Variants in PEX5L observed in about 807,000 individuals in gnomAD.
PEX5L encodes the protein peroxisomal biogenesis factor 5 like, also known as PEX5-related protein.
Under a neutral mutation model 84.0 loss-of-function variants are expected in PEX5L, and 30 were observed. That is an observed-to-expected ratio of 0.36 (90% CI 0.27 to 0.48). The LOEUF (loss-of-function observed/expected upper bound fraction) is 0.48. Among genes scored for constraint, PEX5L ranks in the 20% least tolerant of loss-of-function variants. The pLI, the probability that PEX5L is intolerant of heterozygous loss-of-function variation, is 0.99. For missense variants in PEX5L, 533 were observed against 754.6 expected (o/e 0.71, Z 3.44); for synonymous variants, 270 against 283.1 (o/e 0.95, Z 0.46).
chr3:180,034,898 C>T (rs1326428055), intron 1 of PEX5L, among the ~76,000 whole-genome samples: 2 of 152,142 alleles, frequency 1.3e-5, no homozygotes, highest in African/African-American at 4.8e-5. Context: ...AACCCTCAGA[C>T]ATTGTTCCAG....
At chr3:179,848,377 T>C (rs906632236) in intron 8 of PEX5L, among the ~76,000 whole-genome samples, 1 of 151,644 alleles carries the variant, frequency 6.6e-6, no homozygotes, top group African/African-American at 2.4e-5. Context: ...ATGGCAACAT[T>C]CCGTCTCTAC....
At chr3:179,852,291 A>G (rs550558329) in intron 8 of PEX5L, among the ~76,000 whole-genome samples, 2 of 152,290 alleles carry the variant, frequency 1.3e-5, no homozygotes, top group Admixed American at 1.3e-4. Flanking sequence ...GGCTGCCAAC[A>G]GTCTGCATGA....
Position 179,898,184 on chromosome 3 carries a change from C to T in PEX5L, c.156G>A (p.Glu52=). The change falls in exon 3 of 15, where the codon GAG becomes GAA. Residue 52 remains glutamate, a synonymous_variant. Transcript: ENST00000467460. The part of the protein sequence containing the change: ...VAMVMKEIPR[E]ESAEEKPLLT... ...GGAGGGGCTTTTCTTCAGCAGACTC[C>T]TCCCTCGGTATCTCCTTCATCACCA... is the stretch of plus-strand genomic sequence containing the variant. 1 of 1,613,542 alleles carries T rather than the reference C, an allele frequency of 6.2e-7. No homozygotes were observed. The highest frequency in any genetic ancestry group is 8.5e-7 in the Non-Finnish European group (1 of 1,179,570).
intron 2 of PEX5L, among the ~76,000 whole-genome samples, chr3:179,952,444 G>C (rs1779348349): frequency 6.6e-6 from 1 of 152,264 alleles, no homozygotes; most frequent in Non-Finnish European, 1.5e-5. Flanking sequence ...GTATATAGCA[G>C]AATGACAATG....
chr3:179,950,245 C>T (rs7635867), intron 2 of PEX5L, among the ~76,000 whole-genome samples: 89,402 of 151,754 alleles, frequency 0.59, 27,468 homozygotes, highest in African/African-American at 0.77. Flanking sequence ...TCTTAGAAAA[C>T]ACCTCTTTCA....
chr3:179,911,516 T>A (rs1372657734), intron 2 of PEX5L, among the ~76,000 whole-genome samples: 1 of 152,120 alleles, frequency 6.6e-6, no homozygotes, highest in Non-Finnish European at 1.5e-5. Flanking sequence ...GTAATATATG[T>A]AAAAGTAAGA....
At chr3:179,815,826 T>C (rs1725858246) in intron 10 of PEX5L, 35 bp downstream of exon 10, 3 of 1,611,776 alleles carry the variant, frequency 1.9e-6, no homozygotes, top group South Asian at 1.1e-5. Flanking sequence ...GCACATGCCC[T>C]TTCTGAGTCT....
intron 8 of PEX5L, among the ~76,000 whole-genome samples, chr3:179,821,931 T>C (rs1482702568): frequency 1.3e-5 from 2 of 152,250 alleles, no homozygotes; most frequent in African/African-American, 4.8e-5. Context: ...CTGAATTTTC[T>C]ATGATGAGCA....
At chr3:179,826,657 TATG>T (rs1323870277) in intron 8 of PEX5L, among the ~76,000 whole-genome samples, 5 of 152,128 alleles carry the variant, frequency 3.3e-5, no homozygotes, top group African/African-American at 1.2e-4. Context: ...CTGTGTTCCG[TATG>T]ATAACAGGTT....
rs1284906299 is a variant in PEX5L at position 179,795,728 on chromosome 3, G to C, written c.*6100C>G. ...TTTAAACATTTATGAGCATGAGGAG[G>C]AAGCATCACAGAAGAATTGTCTCAA... On this transcript the variant is annotated 3_prime_UTR_variant, in exon 15 of 15. Transcript: ENST00000467460. 6.6e-6 allele frequency: 1 copy of C among 152,152 alleles called. No homozygotes were observed. The highest frequency in any genetic ancestry group is 2.4e-5 in the African/African-American group (1 of 41,438). 9.4% of individuals were successfully genotyped at this position (152,152 alleles called of 1,614,324 possible). A position where few individuals can be genotyped will look rare whatever the true frequency, so the allele number is the denominator to read the frequency against.
At chr3:179,993,475 G>A (rs1787573113) in intron 1 of PEX5L, among the ~76,000 whole-genome samples, 1 of 151,934 alleles carries the variant, frequency 6.6e-6, no homozygotes, top group South Asian at 2.1e-4. Flanking sequence ...TATAACCTAT[G>A]CACAACCTCC....
At chr3:179,954,890 TC>T (rs1338349940) in intron 2 of PEX5L, among the ~76,000 whole-genome samples, 1 of 152,034 alleles carries the variant, frequency 6.6e-6, no homozygotes, top group Admixed American at 6.6e-5. Flanking sequence ...CCTTTGTTCT[TC>T]CCTCCCCCTT....
chr3:179,976,507 G>A (rs901760891), intron 1 of PEX5L, among the ~76,000 whole-genome samples: 3 of 151,944 alleles, frequency 2.0e-5, no homozygotes, highest in South Asian at 2.1e-4. Flanking sequence ...ATGTGATTTC[G>A]GCTCACTGCA....
chr3:179,964,062 A>G (rs1026025751), intron 2 of PEX5L, among the ~76,000 whole-genome samples: 14 of 152,030 alleles, frequency 9.2e-5, no homozygotes, highest in African/African-American at 3.4e-4. Flanking sequence ...TTATCCATTA[A>G]TTCATTATTT....
chr3:179,989,336 A>G (rs1787170846), intron 1 of PEX5L, among the ~76,000 whole-genome samples: 1 of 152,204 alleles, frequency 6.6e-6, no homozygotes, highest in Non-Finnish European at 1.5e-5. Flanking sequence ...TCCTATATTT[A>G]GGTATAACTT....
At chr3:179,864,253 A>C (rs1194659063) in intron 7 of PEX5L, among the ~76,000 whole-genome samples, 1 of 152,192 alleles carries the variant, frequency 6.6e-6, no homozygotes, top group Non-Finnish European at 1.5e-5. Context: ...TCATTGCAGC[A>C]TTATTCACAA....
chr3:179,954,155 A>G (rs1056608226), intron 2 of PEX5L, among the ~76,000 whole-genome samples: 4 of 145,272 alleles, frequency 2.8e-5, no homozygotes, highest in African/African-American at 7.8e-5. Flanking sequence ...CCTTGGATAC[A>G]TTTACTATTT....
At chr3:180,014,364 C>T (rs1310279114) in intron 1 of PEX5L, among the ~76,000 whole-genome samples, 1 of 152,016 alleles carries the variant, frequency 6.6e-6, no homozygotes, top group African/African-American at 2.4e-5. Context: ...CCCAGCTACT[C>T]CGGAGGCTGA....
chr3:180,012,869 G>A lies in PEX5L; in HGVS notation c.21+23710C>T, dbSNP rs186572186. 3.3e-5 allele frequency among the ~76,000 whole-genome samples: 5 copies of A among 151,966 alleles called. No homozygotes were observed. The East Asian group carries it at 9.7e-4, about 29-fold the overall frequency. On this transcript the variant is annotated intron_variant, in intron 1 of 14. Coordinates refer to ENST00000467460, the MANE Select transcript of PEX5L (RefSeq NM_016559.3). Reference sequence around the variant, plus strand: ...ATCAAACTATTCTTTGGGATGCAGAGTTAATTAAAAAAATACGTCTCTGAA... The same window carrying A: ...ATCAAACTATTCTTTGGGATGCAGAATTAATTAAAAAAATACGTCTCTGAA...
Sources: allele counts gnomAD v4.1 joint callset (sites outside exome capture counted in the v4.1 genomes callset), GRCh38; gene constraint gnomAD v4.1.1; transcripts MANE v1.5; gene names NCBI Gene and HGNC (gene_info 2026-07-23, HGNC 2026-07-21).